Variants in TENM4 observed in about 807,000 individuals in gnomAD.
TENM4 encodes the protein teneurin transmembrane protein 4.
In TENM4, 82 loss-of-function variants were observed where a neutral mutation model predicts 243.3. That is an observed-to-expected ratio of 0.34 (90% CI 0.28 to 0.40). TENM4 has a LOEUF of 0.40. TENM4 is among the 10% of genes least tolerant of loss of function. The probability of loss-of-function intolerance (pLI) is 1.00; values close to 1 mark genes in which losing one functional copy is unlikely to be tolerated. For missense variants in TENM4, 3,138 were observed against 3,673.3 expected (o/e 0.85, Z 3.77); for synonymous variants, 1,412 against 1,456.3 (o/e 0.97, Z 0.69).
intron 18 of TENM4, among the ~76,000 whole-genome samples, chr11:78,769,141 A>G (rs1424585021): frequency 6.6e-6 from 1 of 152,228 alleles, no homozygotes; most frequent in Non-Finnish European, 1.5e-5. Context: ...TTCTTCTATT[A>G]CATGAGTGTT....
intron 6 of TENM4, among the ~76,000 whole-genome samples, chr11:78,920,671 A>C (rs1444357530): frequency 6.6e-6 from 1 of 152,190 alleles, no homozygotes; most frequent in African/African-American, 2.4e-5. Context: ...CAGCCATCTG[A>C]TAGATGTTAG....
At chr11:78,704,030 T>TAC (rs1859172129) in intron 27 of TENM4, among the ~76,000 whole-genome samples, 1 of 137,004 alleles carries the variant, frequency 7.3e-6, no homozygotes, top group East Asian at 2.0e-4. Flanking sequence ...CACACATATA[T>TAC]ATATACACAC....
At chr11:78,840,458 C>T (rs1230222937) in intron 12 of TENM4, among the ~76,000 whole-genome samples, 1 of 152,150 alleles carries the variant, frequency 6.6e-6, no homozygotes, top group Non-Finnish European at 1.5e-5. Context: ...CAAACTAAAA[C>T]CAGATGCTCA....
At chr11:79,175,978 G>A (rs1487563209) in intron 3 of TENM4, among the ~76,000 whole-genome samples, 2 of 152,130 alleles carry the variant, frequency 1.3e-5, no homozygotes, top group African/African-American at 4.8e-5. Flanking sequence ...TGTGGTCCCA[G>A]CTACTCGGGA....
chr11:79,038,022 A>G (rs1433280822), intron 6 of TENM4, among the ~76,000 whole-genome samples: 6 of 152,216 alleles, frequency 3.9e-5, no homozygotes, highest in Non-Finnish European at 8.8e-5. Context: ...AAAGCATAAT[A>G]GGGACATTTG....
intron 4 of TENM4, among the ~76,000 whole-genome samples, chr11:79,075,736 C>A (rs148949701): frequency 6.2e-4 from 94 of 152,346 alleles, no homozygotes; most frequent in African/African-American, 2.1e-3. Flanking sequence ...CTGACGCCAT[C>A]TGTGAGATGT....
chr11:79,409,306 G>C (rs890449641), intron 1 of TENM4, among the ~76,000 whole-genome samples: 1 of 152,074 alleles, frequency 6.6e-6, no homozygotes, highest in Non-Finnish European at 1.5e-5. Context: ...GAGCTGTTTA[G>C]GAGTGTTTAA....
At chr11:78,937,497 C>T (rs1008028854) in intron 6 of TENM4, among the ~76,000 whole-genome samples, 1 of 152,202 alleles carries the variant, frequency 6.6e-6, no homozygotes, top group Non-Finnish European at 1.5e-5. Context: ...ATCTCTTCCA[C>T]CTTAACATTT....
At chr11:79,184,032 G>T (rs867348805) in intron 3 of TENM4, among the ~76,000 whole-genome samples, 2 of 152,150 alleles carry the variant, frequency 1.3e-5, no homozygotes, top group Non-Finnish European at 1.5e-5. Flanking sequence ...TGAGAGCAGG[G>T]ACTTGAACAG....
At chr11:79,037,031 A>G (rs1292022018) in intron 6 of TENM4, among the ~76,000 whole-genome samples, 3 of 91,992 alleles carry the variant, frequency 3.3e-5, no homozygotes, top group South Asian at 3.0e-4. Flanking sequence ...AAAAAAAAAA[A>G]AAAAAAAAAA....
At chr11:78,978,475 G>A (rs1181956752) in intron 6 of TENM4, among the ~76,000 whole-genome samples, 1 of 152,188 alleles carries the variant, frequency 6.6e-6, no homozygotes, top group Non-Finnish European at 1.5e-5. Context: ...CCATTTTACT[G>A]ATGAAATGAG....
intron 6 of TENM4, among the ~76,000 whole-genome samples, chr11:78,993,534 T>C (rs1056648491): frequency 2.0e-5 from 3 of 152,164 alleles, no homozygotes; most frequent in African/African-American, 7.2e-5. Flanking sequence ...GTCACTGAAG[T>C]TCTGTTCATT....
intron 12 of TENM4, among the ~76,000 whole-genome samples, chr11:78,819,271 G>A (rs1857674385): frequency 6.6e-6 from 1 of 152,162 alleles, no homozygotes; most frequent in Non-Finnish European, 1.5e-5. Context: ...AATCATTAGC[G>A]CAGCTATGTC....
At chr11:79,243,599 C>T (rs1855462348) in intron 2 of TENM4, among the ~76,000 whole-genome samples, 1 of 152,166 alleles carries the variant, frequency 6.6e-6, no homozygotes. Flanking sequence ...TGCAAGAACA[C>T]AGCCACTGTC....
intron 1 of TENM4, among the ~76,000 whole-genome samples, chr11:79,322,600 A>T (rs1856910113): frequency 6.6e-6 from 1 of 152,198 alleles, no homozygotes; most frequent in Non-Finnish European, 1.5e-5. Flanking sequence ...ACAACACAAC[A>T]AAAAGCAATT....
intron 3 of TENM4, among the ~76,000 whole-genome samples, chr11:79,168,159 A>G (rs1042089869): frequency 6.6e-6 from 1 of 152,172 alleles, no homozygotes; most frequent in African/African-American, 2.4e-5. Context: ...TAGAACAAAG[A>G]TTTTGGGACT....
At chr11:78,692,897 C>T (rs549442642) in intron 28 of TENM4, among the ~76,000 whole-genome samples, 1 of 152,214 alleles carries the variant, frequency 6.6e-6, no homozygotes, top group South Asian at 2.1e-4. Context: ...TGAGGTCTTC[C>T]CTGACCACCG....
intron 4 of TENM4, among the ~76,000 whole-genome samples, chr11:79,139,777 A>AATATATATATCATAT (rs1231182496): frequency 3.7e-5 from 1 of 26,796 alleles, no homozygotes; most frequent in Non-Finnish European, 6.1e-5. Context: ...ATAAATATAT[A>AATATATATATCATAT]ATATATATTA....
At chr11:78,735,825 T>C (rs1469967626) in intron 20 of TENM4, among the ~76,000 whole-genome samples, 1 of 149,644 alleles carries the variant, frequency 6.7e-6, no homozygotes, top group East Asian at 2.0e-4. Context: ...CACATTCCCT[T>C]GTCTTGGCTC....
Sources: allele counts gnomAD v4.1 joint callset (sites outside exome capture counted in the v4.1 genomes callset), GRCh38; gene constraint gnomAD v4.1.1; transcripts MANE v1.5; gene names NCBI Gene and HGNC (gene_info 2026-07-23, HGNC 2026-07-21).